Variants in DISC1 observed in about 807,000 individuals in gnomAD.
DISC1 encodes the protein disrupted in schizophrenia 1 protein.
In DISC1, 57 loss-of-function variants were observed where a neutral mutation model predicts 84.5. The observed-to-expected ratio is 0.67, with a 90% CI of 0.55 to 0.84. The LOEUF is 0.84. Ranked by LOEUF, DISC1 falls within the 40% of genes least tolerant of loss-of-function variation. The pLI, the probability that DISC1 is intolerant of heterozygous loss-of-function variation, is 0.00. For missense variants in DISC1, 1,000 were observed against 1,057.8 expected, an observed-to-expected ratio of 0.95 and a Z score of 0.76; for synonymous variants, 411 against 415.2, an observed-to-expected ratio of 0.99 and a Z score of 0.12.
chr1:231,832,585 C>T (rs191993446), intron 9 of DISC1, among the ~76,000 whole-genome samples: 301 of 151,590 alleles, frequency 2.0e-3, no homozygotes, highest in Non-Finnish European at 3.3e-3. Flanking sequence ...TGTGGCAGTA[C>T]AGCCCAGGTA....
chr1:231,776,470 G>A (rs1338728857), intron 6 of DISC1, among the ~76,000 whole-genome samples: 5 of 152,222 alleles, frequency 3.3e-5, no homozygotes, highest in Admixed American at 1.3e-4. Flanking sequence ...TTACAGGAGG[G>A]CTGGCTGGGC....
At chr1:231,782,565 A>G (rs1432264455) in intron 6 of DISC1, among the ~76,000 whole-genome samples, 1 of 152,244 alleles carries the variant, frequency 6.6e-6, no homozygotes, top group Admixed American at 6.5e-5. Flanking sequence ...CGTTTTTGGC[A>G]AACTTTACAG....
rs563084147 is a variant in DISC1, at chr1:231,698,645, G to A, written c.1048-3310G>A. On this transcript the variant is annotated intron_variant, in intron 2 of 12. Transcript: ENST00000439617. This position sits in a 1 kb window ranked among gnomAD's most constrained non-coding sequence, Gnocchi z 4.9. Reference sequence around the variant, plus strand: ...GATCACTGGACGAGGTGGGCATCGTGGGGTGGGCTTTGGCTGTAAATGAAT... The same window carrying A: ...GATCACTGGACGAGGTGGGCATCGTAGGGTGGGCTTTGGCTGTAAATGAAT... Among the ~76,000 whole-genome samples the A allele has an allele frequency of 6.6e-6, 1 of 152,144 alleles. No homozygotes were observed. The highest frequency in any genetic ancestry group is 1.5e-5 in the Non-Finnish European group (1 of 68,028).
chr1:231,991,609 GGGAAT>G (rs1299822678), intron 10 of DISC1, among the ~76,000 whole-genome samples: 1 of 152,164 alleles, frequency 6.6e-6, no homozygotes, highest in Admixed American at 6.5e-5. Flanking sequence ...TATGCAAAGA[GGGAAT>G]GTTTAGCACC....
At chr1:231,930,588 A>C (rs911755624) in intron 9 of DISC1, among the ~76,000 whole-genome samples, 2 of 152,122 alleles carry the variant, frequency 1.3e-5, no homozygotes, top group African/African-American at 4.8e-5. Flanking sequence ...GCAGCCCTCC[A>C]AACCTCTACC....
intron 1 of DISC1, among the ~76,000 whole-genome samples, chr1:231,653,183 T>G (rs1442592685): frequency 1.3e-5 from 2 of 152,224 alleles, no homozygotes; most frequent in Non-Finnish European, 2.9e-5. Context: ...CAGTATTAAG[T>G]TTTTGTATTT....
chr1:231,736,537 T>G (rs1193303119), intron 3 of DISC1, among the ~76,000 whole-genome samples: 1 of 152,242 alleles, frequency 6.6e-6, no homozygotes, highest in Non-Finnish European at 1.5e-5. Flanking sequence ...ATGCTTGAAG[T>G]CTTCAGTGCC....
At chr1:232,013,016 G>A (rs72762361) in intron 11 of DISC1, among the ~76,000 whole-genome samples, 7,124 of 152,218 alleles carry the variant, frequency 0.047, 248 homozygotes, top group East Asian at 0.16. Context: ...GCCCTGGTTC[G>A]TAGATGTTAC....
At chr1:231,719,745 G>A (rs1481806048) in intron 3 of DISC1, among the ~76,000 whole-genome samples, 1 of 152,152 alleles carries the variant, frequency 6.6e-6, no homozygotes, top group South Asian at 2.1e-4. Context: ...ATGTATTTGC[G>A]AACTGATTAT....
chr1:231,924,819 G>T (rs2090250515), intron 9 of DISC1, among the ~76,000 whole-genome samples: 1 of 151,962 alleles, frequency 6.6e-6, no homozygotes, highest in Non-Finnish European at 1.5e-5. Flanking sequence ...ACCATGCCTG[G>T]CTAATTTTTT....
chr1:231,984,213 A>G (rs1323940402), intron 10 of DISC1, among the ~76,000 whole-genome samples: 1 of 152,274 alleles, frequency 6.6e-6, no homozygotes. Context: ...TACAGATTTT[A>G]TGAATTTAGA....
rs549783778 is a variant in DISC1, at chr1:232,008,819, G to A, written c.2077G>A (p.Ala693Thr). The change falls in exon 11 of 13, where the codon GCT (alanine) becomes ACT (threonine). Residue 693 changes from alanine to threonine, a missense_variant. Transcript: ENST00000439617. ...KCPLLGKVWE[A>T]DLEACRLLIQ... ...TCCACTGCTTGGGAAAGTGTGGGAA[G>A]CTGACTTGGAAGCTTGTCGATTGCT... 1 of 1,594,538 alleles carries A rather than the reference G, an allele frequency of 6.3e-7. No homozygotes were observed. The highest frequency in any genetic ancestry group is 2.2e-5 in the East Asian group (1 of 44,644).
chr1:232,008,444 T>C (rs924369062), intron 10 of DISC1, among the ~76,000 whole-genome samples: 7 of 152,190 alleles, frequency 4.6e-5, no homozygotes, highest in Admixed American at 6.5e-5. Flanking sequence ...CCTGGAAGAG[T>C]TGGACAGGTC....
rs116618596 is a variant in DISC1 at position 231,672,188 on chromosome 1, G to A, written c.68-21638G>A. Among the ~76,000 whole-genome samples, 428 of 151,836 alleles carry A rather than the reference G, an allele frequency of 2.8e-3. 7 individuals carry two copies. Among genetic ancestry groups the A allele is most frequent in the East Asian group, 9.7e-3 (50 of 5,170 alleles). On this transcript the variant is annotated intron_variant, in intron 1 of 12. Transcript: ENST00000439617. ...GAAACGAGAATACTTGTCAATCTTTGATCTTCAGTAAGTCCATGATTTCTC... is the reference window on the plus strand; with the variant it reads ...GAAACGAGAATACTTGTCAATCTTTAATCTTCAGTAAGTCCATGATTTCTC...
intron 9 of DISC1, among the ~76,000 whole-genome samples, chr1:231,830,965 A>G (rs1369256184): frequency 6.6e-6 from 1 of 152,174 alleles, no homozygotes. Flanking sequence ...TTTGACTAAT[A>G]AAGGCTCGTC....
chr1:231,715,370 C>T (rs925027433), intron 3 of DISC1, among the ~76,000 whole-genome samples: 2 of 152,212 alleles, frequency 1.3e-5, no homozygotes, highest in African/African-American at 4.8e-5. Flanking sequence ...AATGAAAACA[C>T]TCCTTACAGA....
intron 9 of DISC1, among the ~76,000 whole-genome samples, chr1:231,846,758 T>C (rs938543652): frequency 2.0e-5 from 3 of 152,236 alleles, no homozygotes; most frequent in Non-Finnish European, 4.4e-5. Flanking sequence ...TTGTTTTATG[T>C]TTCTTAGCTG....
At chr1:231,905,799 A>G (rs571862540) in intron 9 of DISC1, among the ~76,000 whole-genome samples, 3 of 152,164 alleles carry the variant, frequency 2.0e-5, no homozygotes, top group South Asian at 2.1e-4. Context: ...ATTCGATGGT[A>G]GTAGTCTATC....
At chr1:231,678,916 T>G (rs1378181674) in intron 1 of DISC1, among the ~76,000 whole-genome samples, 2 of 151,516 alleles carry the variant, frequency 1.3e-5, no homozygotes, top group African/African-American at 4.9e-5. Flanking sequence ...GACCTCGTGA[T>G]CCACCCGCCT....
Sources: gnomAD v4.1 joint callset for allele counts (sites outside exome capture counted in the v4.1 genomes callset) on GRCh38, gnomAD v4.1.1 for gene constraint, Gnocchi (gnomAD v3.1) non-coding constraint, MANE v1.5 for transcripts, NCBI Gene and HGNC (gene_info 2026-07-23, HGNC 2026-07-21) for gene names.